Variants in PPP6R3 observed in about 807,000 individuals in gnomAD.
PPP6R3 encodes serine/threonine-protein phosphatase 6 regulatory subunit 3.
A neutral mutation model predicts 110.7 loss-of-function variants in PPP6R3; 38 were observed. The observed-to-expected ratio is 0.34, with a 90% CI of 0.26 to 0.45. The LOEUF (loss-of-function observed/expected upper bound fraction) is 0.45, where lower values mean the gene tolerates loss of function less well. Ranked by LOEUF, PPP6R3 falls within the 20% of genes least tolerant of loss-of-function variation. The pLI, the probability that PPP6R3 is intolerant of heterozygous loss-of-function variation, is 1.00. For missense variants in PPP6R3, 870 were observed against 1,062.4 expected, an observed-to-expected ratio of 0.82 and a Z score of 2.52; for synonymous variants, 369 against 373.5, an observed-to-expected ratio of 0.99 and a Z score of 0.14.
At chr11:68,607,737 G>C (rs893425576) in intron 22 of PPP6R3, among the ~76,000 whole-genome samples, 2 of 151,726 alleles carry the variant, frequency 1.3e-5, no homozygotes, top group Non-Finnish European at 2.9e-5. Flanking sequence ...CTGTCTGTCT[G>C]CCTATCTAAT....
At chr11:68,490,996 G>C (rs1369057970) in intron 1 of PPP6R3, among the ~76,000 whole-genome samples, 1 of 152,062 alleles carries the variant, frequency 6.6e-6, no homozygotes, top group African/African-American at 2.4e-5. Flanking sequence ...GACCAACCTG[G>C]TCAACTTGAT....
intron 2 of PPP6R3, among the ~76,000 whole-genome samples, chr11:68,533,464 G>A (rs2099251896): frequency 1.3e-5 from 2 of 152,028 alleles, no homozygotes; most frequent in Non-Finnish European, 2.9e-5. Context: ...TGTAATCCCA[G>A]CACTTTGAGA....
chr11:68,545,815 T>C (rs897089319), intron 4 of PPP6R3, among the ~76,000 whole-genome samples: 12 of 152,238 alleles, frequency 7.9e-5, no homozygotes, highest in Admixed American at 5.2e-4. Context: ...AGGATCTGCT[T>C]ATCTGGAGAT....
intron 8 of PPP6R3, among the ~76,000 whole-genome samples, chr11:68,562,894 C>G (rs2153739154): frequency 6.6e-6 from 1 of 152,174 alleles, no homozygotes; most frequent in South Asian, 2.1e-4. Context: ...GTTGATAACT[C>G]AGACTACACT....
In PPP6R3 at chr11:68,477,913, G is replaced by T. The variant is rs1212185412; in HGVS notation, c.-158+17086G>T. Among the ~76,000 whole-genome samples the T allele has an allele frequency of 3.3e-5, 5 of 150,538 alleles. No individual in the cohort carries two copies. The East Asian group carries it at 5.9e-4, about 18-fold the overall frequency. ...TCATCTGTAAAGTTTAGATTTTTTT[G>T]TGTGTGTAGAGACAGGCTCACTGTG... On this transcript the variant is annotated intron_variant, in intron 1 of 23. Transcript: ENST00000393800.
At chr11:68,481,677 C>G (rs974099599) in intron 1 of PPP6R3, among the ~76,000 whole-genome samples, 3 of 152,162 alleles carry the variant, frequency 2.0e-5, no homozygotes, top group Non-Finnish European at 4.4e-5. Context: ...ATTGTCAGGC[C>G]TAACTAACAT....
intron 3 of PPP6R3, among the ~76,000 whole-genome samples, chr11:68,543,940 C>T (rs2099332824): frequency 6.6e-6 from 1 of 152,146 alleles, no homozygotes; most frequent in Admixed American, 6.5e-5. Context: ...GCCATGGGGT[C>T]TGTAGAAGAG....
intron 1 of PPP6R3, among the ~76,000 whole-genome samples, chr11:68,471,759 A>G (rs979281461): frequency 1.3e-5 from 2 of 152,294 alleles, no homozygotes; most frequent in African/African-American, 2.4e-5. Context: ...ATGATGAATC[A>G]GAAGAGGTGA....
chr11:68,611,656 C>T (rs1594186207), intron 23 of PPP6R3, among the ~76,000 whole-genome samples: 2 of 151,936 alleles, frequency 1.3e-5, no homozygotes, highest in African/African-American at 2.4e-5. Flanking sequence ...CCAGTGGTCT[C>T]GGGGCATACT....
chr11:68,462,023 G>C (rs111369958), intron 1 of PPP6R3, among the ~76,000 whole-genome samples: 1 of 152,076 alleles, frequency 6.6e-6, no homozygotes, highest in African/African-American at 2.4e-5. Flanking sequence ...AAGTTACCCA[G>C]CTTCTCTTTT....
chr11:68,609,955 G>A lies in PPP6R3; in HGVS notation c.2502G>A (p.Glu834=). The A allele has an allele frequency of 1.9e-6, 3 of 1,614,164 alleles. No individual in the cohort carries two copies. Among genetic ancestry groups the A allele is most frequent in the Non-Finnish European group, 1.7e-6 (2 of 1,180,028 alleles). Residue 834 remains glutamate (E), a synonymous_variant, in exon 23 of 24, where the codon GAG becomes GAA. Coordinates refer to ENST00000393800, the MANE Select transcript of PPP6R3 (RefSeq NM_001164161.2). ...AAGATGCTGCTTGTAAAGACGCAGA[G>A]GAGTGTCCCGAGACTGCAGAGGCGA... ...TSQDAACKDA[E]ECPETAEAKC... is the part of the protein sequence containing the mutation.
chr11:68,588,784 G>A (rs116330908), intron 16 of PPP6R3, among the ~76,000 whole-genome samples: 1 of 151,214 alleles, frequency 6.6e-6, no homozygotes, highest in African/African-American at 2.4e-5. Flanking sequence ...ATCACTGCAA[G>A]GAAAGAAGCA....
chr11:68,482,813 T>C (rs578053824), intron 1 of PPP6R3, among the ~76,000 whole-genome samples: 2 of 152,308 alleles, frequency 1.3e-5, no homozygotes, highest in South Asian at 4.1e-4. Flanking sequence ...TTTTTTTCTG[T>C]ATATTTGCAT....
chr11:68,467,094 A>G (rs2098753755), intron 1 of PPP6R3, among the ~76,000 whole-genome samples: 1 of 152,266 alleles, frequency 6.6e-6, no homozygotes. Flanking sequence ...CTTTACCCTG[A>G]GTAGAGGCTA....
At chr11:68,542,689 C>G (rs11602403) in intron 3 of PPP6R3, among the ~76,000 whole-genome samples, 1 of 152,048 alleles carries the variant, frequency 6.6e-6, no homozygotes, top group Non-Finnish European at 1.5e-5. Context: ...CCACCGCGCT[C>G]GGCCTTGAGA....
intron 1 of PPP6R3, among the ~76,000 whole-genome samples, chr11:68,484,417 A>G (rs2098933507): frequency 6.6e-6 from 1 of 152,132 alleles, no homozygotes; most frequent in Non-Finnish European, 1.5e-5. Context: ...GTGTTGTGCT[A>G]TCTCATTGTT....
intron 3 of PPP6R3, among the ~76,000 whole-genome samples, chr11:68,542,391 T>TG (rs1565716566): frequency 2.1e-5 from 2 of 96,946 alleles, no homozygotes; most frequent in African/African-American, 4.2e-5. Flanking sequence ...AAGCTGCTGT[T>TG]TTTTTTTTTT....
chr11:68,506,599 CTT>C (rs1206680767), intron 1 of PPP6R3, among the ~76,000 whole-genome samples: 2 of 151,994 alleles, frequency 1.3e-5, no homozygotes. Flanking sequence ...TGGAAATTCT[CTT>C]TGTGATTTTG....
At position 68,613,898 on chromosome 11, in the gene PPP6R3, AT is replaced by A. The variant is rs11309470; in HGVS notation, c.*799del. On this transcript the variant is annotated 3_prime_UTR_variant, in exon 24 of 24. Transcript: ENST00000393800. ...GAGTGTATATGGCTTGTGTTTTGGG[AT>A]TTTTTTTTTTTTTTTTTGGCTTTTG... is the stretch of plus-strand genomic sequence containing the variant. 312,323 of 852,456 alleles carry A rather than the reference AT, an allele frequency of 0.37. 4,478 individuals carry two copies. Among genetic ancestry groups the A allele is most frequent in the Middle Eastern group, 0.39 (652 of 1,658 alleles). 52.8% of individuals were successfully genotyped at this position (852,456 alleles called of 1,614,324 possible). A position where few individuals can be genotyped will look rare whatever the true frequency, so the allele number is the denominator to read the frequency against.
Sources: allele counts gnomAD v4.1 joint callset (sites outside exome capture counted in the v4.1 genomes callset), GRCh38; gene constraint gnomAD v4.1.1; transcripts MANE v1.5; gene names NCBI Gene and HGNC (gene_info 2026-07-23, HGNC 2026-07-21).